FAM124A: variants seen among roughly 807,000 people sequenced by gnomAD.
The protein encoded by FAM124A is family with sequence similarity 124 member A, also known as protein FAM124A.
FAM124A carries 23 observed loss-of-function variants against 24.5 expected under a neutral mutation model. That is an observed-to-expected ratio of 0.94 (90% CI 0.68 to 1.33). The LOEUF is 1.33. Among genes scored for constraint, FAM124A ranks in the 40% most tolerant of loss-of-function variants. The probability of loss-of-function intolerance (pLI) is 0.00; values close to 1 mark genes in which losing one functional copy is unlikely to be tolerated. For synonymous variants in FAM124A, 287 were observed against 314.7 expected, an observed-to-expected ratio of 0.91 and a Z score of 0.93; for missense variants, 623 against 722.8, an observed-to-expected ratio of 0.86 and a Z score of 1.58.
chr13:51,280,840 G>A lies in FAM124A; in HGVS notation c.1225G>A (p.Ala409Thr), dbSNP rs201760116. Residue 409 changes from alanine to threonine, a missense_variant, in exon 4 of 4, where the codon GCC becomes ACC. Coordinates refer to ENST00000322475, the MANE Select transcript of FAM124A (RefSeq NM_001242312.2). ...CCTCTCCATCGATGACCTAGAGGGG[G>A]CCCAGGAGACAGACGTGGACACAGG... ...HLLSIDDLEG[A>T]QETDVDTGLR... The A allele has an allele frequency of 6.2e-7, 1 of 1,614,108 alleles. No homozygotes were observed. The highest frequency in any genetic ancestry group is 8.5e-7 in the Non-Finnish European group (1 of 1,180,018).
intron 1 of FAM124A, among the ~76,000 whole-genome samples, chr13:51,228,107 A>G (rs1168798585): frequency 6.6e-6 from 1 of 151,648 alleles, no homozygotes; most frequent in African/African-American, 2.4e-5. Flanking sequence ...TCAATAGCTG[A>G]TGTTTTACAG....
intron 2 of FAM124A, among the ~76,000 whole-genome samples, chr13:51,239,036 T>C (rs759323586): frequency 9.9e-5 from 15 of 152,016 alleles, no homozygotes; most frequent in Admixed American, 2.0e-4. Flanking sequence ...GAAAGAAAAA[T>C]GGAGGCAGAC....
chr13:51,266,054 T>A (rs117090823), intron 3 of FAM124A, among the ~76,000 whole-genome samples: 2,286 of 152,040 alleles, frequency 0.015, 20 homozygotes, highest in Middle Eastern at 0.027. Flanking sequence ...TAAGACAACT[T>A]CATCTAAGTG....
At chr13:51,279,474 GC>G (rs1439563793) in intron 3 of FAM124A, among the ~76,000 whole-genome samples, 2 of 152,144 alleles carry the variant, frequency 1.3e-5, no homozygotes, top group Non-Finnish European at 2.9e-5. Flanking sequence ...CAGACCGACT[GC>G]CCCCAAACCC....
At chr13:51,234,537 T>C (rs910095175) in intron 2 of FAM124A, among the ~76,000 whole-genome samples, 1 of 152,194 alleles carries the variant, frequency 6.6e-6, no homozygotes, top group Non-Finnish European at 1.5e-5. Flanking sequence ...ATTCACCCTC[T>C]CTGGGCCTTT....
chr13:51,251,681 T>C lies in FAM124A; in HGVS notation c.314T>C (p.Leu105Pro). Reference sequence around the variant, plus strand: ...GCTCAGCCAGCGCTGGCTGTGGTGCTGTTCCTGCAGGAGGAGTACGGCGAA... The same window carrying C: ...GCTCAGCCAGCGCTGGCTGTGGTGCCGTTCCTGCAGGAGGAGTACGGCGAA... ...KGAQPALAVV[L>P]FLQEEYGEEQ... Residue 105 changes from leucine to proline, a missense_variant, in exon 3 of 4, where the codon CTG becomes CCG. Physicochemically the swap from Leu to Pro is moderately conservative, Grantham distance 98. Transcript: ENST00000322475. The surrounding 1 kb of genome is among the most constrained non-coding windows in gnomAD (Gnocchi z 5.3). The C allele has an allele frequency of 6.3e-7, 1 of 1,589,932 alleles. No homozygotes were observed. The highest frequency in any genetic ancestry group is 8.6e-7 in the Non-Finnish European group (1 of 1,168,630).
At chr13:51,227,654 C>T (rs957872248) in intron 1 of FAM124A, among the ~76,000 whole-genome samples, 2 of 152,134 alleles carry the variant, frequency 1.3e-5, no homozygotes, top group African/African-American at 4.8e-5. Context: ...AAATAAAAGC[C>T]AGTGCTTTAT....
chr13:51,254,808 C>T (rs138775731), intron 3 of FAM124A, among the ~76,000 whole-genome samples: 260 of 152,306 alleles, frequency 1.7e-3, no homozygotes, highest in Non-Finnish European at 2.2e-3. Context: ...ACTTTGAACA[C>T]AGTAGGTTCT....
chr13:51,277,556 A>G (rs1454776901), intron 3 of FAM124A, among the ~76,000 whole-genome samples: 1 of 152,242 alleles, frequency 6.6e-6, no homozygotes, highest in Non-Finnish European at 1.5e-5. Context: ...GCACTTTGGG[A>G]GGCCGAGGCG....
At chr13:51,222,638 C>A in intron 1 of FAM124A, 69 bp downstream of exon 1, 1 of 1,194,626 alleles carries the variant, frequency 8.4e-7, no homozygotes, top group Non-Finnish European at 1.0e-6. Context: ...CCTCCCCGGA[C>A]GGGGACCCTC....
At chr13:51,233,351 C>T (rs750958156) in intron 2 of FAM124A, among the ~76,000 whole-genome samples, 19 of 152,112 alleles carry the variant, frequency 1.2e-4, no homozygotes, top group Non-Finnish European at 2.2e-4. Context: ...CAGAAAGTAC[C>T]TGCCAGCTGA....
Position 51,281,150 on chromosome 13 carries a change from A to G in FAM124A, c.1535A>G (p.Gln512Arg), listed in dbSNP as rs146428564. The G allele has an allele frequency of 2.5e-4, 398 of 1,613,842 alleles. 2 individuals are homozygous for G. The African/African-American group carries it at 4.5e-3, about 18-fold the overall frequency. ...STSTLTDSSP[Q>R]LPCDTPKVKQ... The stretch of plus-strand genomic sequence containing the variant: ...TCCACCCTCACAGACTCCTCCCCAC[A>G]GCTCCCATGCGATACCCCCAAAGTC... The change falls in exon 4 of 4, where the codon CAG (glutamine) becomes CGG (arginine). Residue 512 changes from glutamine to arginine, a missense_variant. By Grantham distance (43) the Gln-to-Arg change is conservative. Transcript: ENST00000322475.
chr13:51,268,176 A>C (rs963648560), intron 3 of FAM124A, among the ~76,000 whole-genome samples: 1 of 152,226 alleles, frequency 6.6e-6, no homozygotes, highest in Non-Finnish European at 1.5e-5. Context: ...AGTTCATTCA[A>C]TCTCTTTTCT....
intron 2 of FAM124A, among the ~76,000 whole-genome samples, chr13:51,234,376 A>G (rs1593587308): frequency 6.6e-6 from 1 of 152,116 alleles, no homozygotes; most frequent in African/African-American, 2.4e-5. Context: ...CTTTTTCCTC[A>G]AAATGCAGGG....
At chr13:51,236,918 A>T (rs112442472) in intron 2 of FAM124A, among the ~76,000 whole-genome samples, 1 of 152,204 alleles carries the variant, frequency 6.6e-6, no homozygotes. Context: ...GTCTTATTCC[A>T]TAAGATCTAG....
chr13:51,277,832 T>G lies in FAM124A; in HGVS notation c.835-2618T>G, dbSNP rs566828536. ...AGGATTCTATCCATGTGCCAGGGTA[T>G]GAGCCTCTTGACACCCAGATCCTTG... On this transcript the variant is annotated intron_variant, in intron 3 of 3. Coordinates refer to ENST00000322475, the MANE Select transcript of FAM124A (RefSeq NM_001242312.2). Among the ~76,000 whole-genome samples the G allele has an allele frequency of 1.4e-4, 15 of 104,326 alleles. 1 individual carries two copies. In the South Asian group the frequency reaches 3.4e-3, roughly 24 times the overall value. The allele number at this position is 104,326 out of a possible 152,430, so 68.4% of individuals were successfully genotyped here. A position where few individuals can be genotyped will look rare whatever the true frequency, so the allele number is the denominator to read the frequency against.
Position 51,251,860 on chromosome 13 carries a change from G to T in FAM124A, c.493G>T (p.Val165Leu). 1 of 1,613,230 alleles carries T rather than the reference G, an allele frequency of 6.2e-7. No homozygotes were observed. Residue 165 changes from valine (V) to leucine (L), a missense_variant, in exon 3 of 4, where the codon GTG (valine) becomes TTG (leucine). Physicochemically the swap from Val to Leu is conservative, Grantham distance 32. Transcript: ENST00000322475. This position sits in a 1 kb window ranked among gnomAD's most constrained non-coding sequence, Gnocchi z 5.3. ...GACGCCGCTTTGGGCCATCCGGCCC[G>T]TGCACTACGGCAAGGAAATCGTGCG... ...PGTPLWAIRP[V>L]HYGKEIVRFT...
intron 3 of FAM124A, among the ~76,000 whole-genome samples, chr13:51,271,049 T>G (rs968130228): frequency 2.0e-5 from 3 of 152,256 alleles, no homozygotes; most frequent in African/African-American, 4.8e-5. Context: ...AAATTCATTC[T>G]CTGGAATTTC....
At position 51,282,775 on chromosome 13, in the gene FAM124A, AC is replaced by A. The variant is rs927493483; in HGVS notation, c.*1520del. ...TCAAGTCTTTGCCATCCTTGTAATG[AC>A]AGCCTTAGGCCTTGCCCCAAGCATT... On this transcript the variant is annotated 3_prime_UTR_variant, in exon 4 of 4. Transcript: ENST00000322475. 1 of 152,226 alleles carries A rather than the reference AC, an allele frequency of 6.6e-6. No homozygotes were observed. Among genetic ancestry groups the A allele is most frequent in the African/African-American group, 2.4e-5 (1 of 41,450 alleles). The allele number at this position is 152,226 out of a possible 1,614,324, so 9.4% of individuals were successfully genotyped here.
Sources: gnomAD v4.1 joint callset for allele counts (sites outside exome capture counted in the v4.1 genomes callset) on GRCh38, gnomAD v4.1.1 for gene constraint, Gnocchi (gnomAD v3.1) non-coding constraint, MANE v1.5 for transcripts, NCBI Gene and HGNC (gene_info 2026-07-23, HGNC 2026-07-21) for gene names.